The following UTRN variants were observed in gnomAD, a reference collection of about 807,000 sequenced individuals.
The protein encoded by UTRN is utrophin.
In UTRN, 283 loss-of-function variants were observed where a neutral mutation model predicts 463.9. That is an observed-to-expected ratio of 0.61 (90% CI 0.55 to 0.67). The LOEUF (loss-of-function observed/expected upper bound fraction) is 0.67. Ranked by LOEUF, UTRN falls within the 30% of genes least tolerant of loss-of-function variation. The pLI is 0.00. For synonymous variants in UTRN, 1,442 were observed against 1,431.5 expected (o/e 1.01, Z -0.17); for missense variants, 3,922 against 4,084.3 (o/e 0.96, Z 1.08).
intron 2 of UTRN, among the ~76,000 whole-genome samples, chr6:144,356,542 A>G (rs1489518559): frequency 6.6e-6 from 1 of 152,168 alleles, no homozygotes; most frequent in Non-Finnish European, 1.5e-5. Context: ...GATAACTTTT[A>G]AACATACACT....
intron 52 of UTRN, among the ~76,000 whole-genome samples, chr6:144,690,072 CTGTT>C (rs1433427975): frequency 2.0e-4 from 7 of 35,660 alleles, no homozygotes; most frequent in African/African-American, 8.6e-4. Context: ...CCAAAAGTTT[CTGTT>C]TTTTTTTTTT....
chr6:144,587,504 C>T (rs1311342159), intron 51 of UTRN, among the ~76,000 whole-genome samples: 11 of 152,100 alleles, frequency 7.2e-5, no homozygotes. Context: ...TTTTTATGTT[C>T]ACTGATGAAG....
At chr6:144,710,942 G>A (rs1021655084) in intron 53 of UTRN, among the ~76,000 whole-genome samples, 1 of 151,956 alleles carries the variant, frequency 6.6e-6, no homozygotes, top group Non-Finnish European at 1.5e-5. Context: ...TATTTTTTTC[G>A]TGTAAGTACA....
intron 25 of UTRN, among the ~76,000 whole-genome samples, chr6:144,477,564 A>ACG (rs1189938539): frequency 4.8e-5 from 7 of 147,260 alleles, no homozygotes; most frequent in South Asian, 2.2e-4. Flanking sequence ...ACACACACGC[A>ACG]CACACCCTTT....
chr6:144,451,402 G>A lies in UTRN; in HGVS notation c.2105G>A (p.Trp702Ter). The A allele has an allele frequency of 1.9e-6, 3 of 1,613,360 alleles. No individual in the cohort carries two copies. Among genetic ancestry groups the A allele is most frequent in the Non-Finnish European group, 2.5e-6 (3 of 1,179,790 alleles). The change falls in exon 18 of 75, where the codon TGG becomes TAG. Residue 702 changes from tryptophan (W) to a stop codon, truncating the protein, a stop_gained. Coordinates refer to ENST00000367545, the MANE Select transcript of UTRN (RefSeq NM_007124.3). LOFTEE classifies it high-confidence loss of function. ...FDAISAELLN[W>*]ILKWKTAIQT... Reference sequence around the variant, plus strand: ...GCTATAAGTGCAGAGCTGTTGAACTGGATTTTGAAATGGAAAACTGCCATT... The same window carrying A: ...GCTATAAGTGCAGAGCTGTTGAACTAGATTTTGAAATGGAAAACTGCCATT...
At chr6:144,416,227 A>AG (rs1784353153) in intron 3 of UTRN, among the ~76,000 whole-genome samples, 1 of 152,136 alleles carries the variant, frequency 6.6e-6, no homozygotes, top group Non-Finnish European at 1.5e-5. Flanking sequence ...CCTGTAGACA[A>AG]GATCTATTTG....
chr6:144,594,175 G>A (rs1384334743), intron 51 of UTRN, among the ~76,000 whole-genome samples: 3 of 152,146 alleles, frequency 2.0e-5, no homozygotes, highest in Non-Finnish European at 4.4e-5. Context: ...TAGAGTTTAT[G>A]GAAATTGTAG....
chr6:144,715,227 T>C (rs1223945710), intron 53 of UTRN, among the ~76,000 whole-genome samples: 1 of 152,190 alleles, frequency 6.6e-6, no homozygotes, highest in African/African-American at 2.4e-5. Flanking sequence ...ATTATTTCAG[T>C]TGCTTAGGTA....
intron 65 of UTRN, among the ~76,000 whole-genome samples, chr6:144,819,348 G>C (rs1225052532): frequency 6.6e-6 from 1 of 152,152 alleles, no homozygotes; most frequent in African/African-American, 2.4e-5. Flanking sequence ...CTATATAAGG[G>C]TTAACTCAGA....
At chr6:144,406,356 CTTTTTTT>C (rs57721924) in intron 3 of UTRN, among the ~76,000 whole-genome samples, 30 of 125,552 alleles carry the variant, frequency 2.4e-4, no homozygotes, top group African/African-American at 5.6e-4. Flanking sequence ...TTTTTCTTTT[CTTTTTTT>C]TTTTTTTTTT....
intron 53 of UTRN, among the ~76,000 whole-genome samples, chr6:144,717,676 C>T (rs1330843977): frequency 1.4e-5 from 2 of 140,984 alleles, no homozygotes; most frequent in Non-Finnish European, 3.0e-5. Context: ...CGCCCAGTTG[C>T]CCAGGCTGGA....
At chr6:144,590,604 G>A (rs565616178) in intron 51 of UTRN, among the ~76,000 whole-genome samples, 4 of 152,094 alleles carry the variant, frequency 2.6e-5, no homozygotes, top group African/African-American at 9.7e-5. Flanking sequence ...AGAGATATGT[G>A]CTAAGCAGCA....
chr6:144,391,147 C>T (rs759228298), intron 2 of UTRN, among the ~76,000 whole-genome samples: 19 of 152,080 alleles, frequency 1.2e-4, no homozygotes, highest in Non-Finnish European at 2.6e-4. Context: ...TCACAATTCC[C>T]TGCAGCCTCA....
chr6:144,504,262 C>T lies in UTRN; in HGVS notation c.4764+4835C>T, dbSNP rs1794497752. ...TCTTTCCTGATTGCCCTGGCCAGAA[C>T]TTCCAATACTATATTGAATAGGAGT... On this transcript the variant is annotated intron_variant, in intron 34 of 74. Coordinates refer to ENST00000367545, the MANE Select transcript of UTRN (RefSeq NM_007124.3). Among the ~76,000 whole-genome samples, 4 of 152,210 alleles carry T rather than the reference C, an allele frequency of 2.6e-5. 1 individual carries two copies. The highest frequency in any genetic ancestry group is 2.0e-4 in the Admixed American group (3 of 15,280).
At chr6:144,584,386 C>G (rs1380261263) in intron 51 of UTRN, among the ~76,000 whole-genome samples, 2 of 152,080 alleles carry the variant, frequency 1.3e-5, no homozygotes, top group African/African-American at 4.8e-5. Context: ...GTTATAATAG[C>G]AATTTTTACA....
At chr6:144,440,560 A>G (rs754024648) in intron 13 of UTRN, 89 bp downstream of exon 13, 290 of 1,560,408 alleles carry the variant, frequency 1.9e-4, no homozygotes, top group Non-Finnish European at 2.5e-4. Flanking sequence ...GTCCTTTCTC[A>G]TTCTTTATCC....
chr6:144,691,821 A>G (rs1239713697), intron 52 of UTRN, among the ~76,000 whole-genome samples: 1 of 152,240 alleles, frequency 6.6e-6, no homozygotes, highest in African/African-American at 2.4e-5. Context: ...ATGATTTTCT[A>G]TTATATTCAC....
chr6:144,656,143 G>A (rs1485465253), intron 51 of UTRN, among the ~76,000 whole-genome samples: 1 of 152,068 alleles, frequency 6.6e-6, no homozygotes, highest in Admixed American at 6.5e-5. Flanking sequence ...GATTGGTAGT[G>A]TCAAGCATAT....
At chr6:144,315,952 C>T (rs976053913) in intron 2 of UTRN, among the ~76,000 whole-genome samples, 1 of 152,164 alleles carries the variant, frequency 6.6e-6, no homozygotes. Flanking sequence ...CAGGACTGTT[C>T]CCTGTACACT....
Sources: allele counts gnomAD v4.1 joint callset (sites outside exome capture counted in the v4.1 genomes callset), GRCh38; gene constraint gnomAD v4.1.1; transcripts MANE v1.5; gene names NCBI Gene and HGNC (gene_info 2026-07-23, HGNC 2026-07-21).